The following KIF27 variants were observed in gnomAD, a reference collection of about 807,000 sequenced individuals.
The protein encoded by KIF27 is kinesin family member 27.
Under a neutral mutation model 141.8 loss-of-function variants are expected in KIF27, and 84 were observed. That is an observed-to-expected ratio of 0.59 (90% CI 0.50 to 0.71). The LOEUF (loss-of-function observed/expected upper bound fraction) is 0.71. KIF27 is among the 30% of genes least tolerant of loss of function. The pLI, the probability that KIF27 is intolerant of heterozygous loss-of-function variation, is 0.00. For missense variants in KIF27, 1,306 were observed against 1,628.4 expected (o/e 0.80, Z 3.41); for synonymous variants, 471 against 569.5 (o/e 0.83, Z 2.46).
chr9:83,897,826 T>C (rs1953428763), intron 5 of KIF27, among the ~76,000 whole-genome samples: 3 of 151,982 alleles, frequency 2.0e-5, no homozygotes, highest in African/African-American at 7.2e-5. Context: ...GATATCCAAA[T>C]AGCCAAAAAC....
At chr9:83,868,993 A>T (rs1950569284) in intron 12 of KIF27, among the ~76,000 whole-genome samples, 1 of 151,998 alleles carries the variant, frequency 6.6e-6, no homozygotes, top group African/African-American at 2.4e-5. Flanking sequence ...GATCCTAGGA[A>T]GTCTAGCAAG....
intron 5 of KIF27, among the ~76,000 whole-genome samples, chr9:83,893,210 C>T (rs970907767): frequency 6.6e-6 from 1 of 152,192 alleles, no homozygotes; most frequent in Non-Finnish European, 1.5e-5. Context: ...GTGCCCCAGC[C>T]TGGGTGACAG....
chr9:83,916,048 GT>G (rs369779677), intron 1 of KIF27, among the ~76,000 whole-genome samples: 2 of 151,982 alleles, frequency 1.3e-5, no homozygotes, highest in South Asian at 2.1e-4. Context: ...CTGTACACAC[GT>G]TTTTTTGTTT....
In KIF27 at chr9:83,910,324, C is replaced by A. The variant is rs1955017833; in HGVS notation, c.299-1672G>T. Among the ~76,000 whole-genome samples, 3 of 151,994 alleles carry A rather than the reference C, an allele frequency of 2.0e-5. No homozygotes were observed. In the South Asian group the frequency reaches 6.2e-4, roughly 32 times the overall value. ...GAGCTGTAAAAAGCAGGAAACTGAC[C>A]CTAGGTAAGACCAATCTATTTCACA... On this transcript the variant is annotated intron_variant, in intron 2 of 17. Coordinates refer to ENST00000297814, the MANE Select transcript of KIF27 (RefSeq NM_017576.4).
intron 16 of KIF27, among the ~76,000 whole-genome samples, chr9:83,848,069 T>TTA (rs1564283013): frequency 3.1e-4 from 2 of 6,504 alleles, no homozygotes; most frequent in Admixed American, 2.2e-3. Flanking sequence ...ATCATATATA[T>TTA]GATATATGAT....
chr9:83,856,961 A>G (rs983696327), intron 14 of KIF27, among the ~76,000 whole-genome samples: 2 of 151,676 alleles, frequency 1.3e-5, no homozygotes, highest in African/African-American at 4.8e-5. Flanking sequence ...TAAAAGTTTA[A>G]AAGATTAGAT....
intron 1 of KIF27, among the ~76,000 whole-genome samples, chr9:83,918,857 C>A (rs1416623045): frequency 6.6e-6 from 1 of 152,128 alleles, no homozygotes; most frequent in Non-Finnish European, 1.5e-5. Flanking sequence ...GGGAGGATCA[C>A]CTGAGGTCAG....
chr9:83,883,804 T>C lies in KIF27; in HGVS notation c.2445+9A>G, dbSNP rs773067330. On this transcript the variant is annotated intron_variant, in intron 10 of 17. Coordinates refer to ENST00000297814, the MANE Select transcript of KIF27 (RefSeq NM_017576.4). ...AAATAAGTTTTCTCAATTACATTTT[T>C]TAAATTACCTGAACTCTCAGCTTTG... 1.6e-5 allele frequency: 25 copies of C among 1,592,884 alleles called. No individual in the cohort carries two copies. The highest frequency in any genetic ancestry group is 3.3e-4 in the Middle Eastern group (2 of 6,022).
At chr9:83,841,528 A>G (rs1206845087) in intron 17 of KIF27, among the ~76,000 whole-genome samples, 1 of 152,254 alleles carries the variant, frequency 6.6e-6, no homozygotes, top group African/African-American at 2.4e-5. Flanking sequence ...TCAACTTTTC[A>G]TAAACCATAC....
At chr9:83,852,640 ATTTT>A (rs1197008662) in intron 15 of KIF27, among the ~76,000 whole-genome samples, 1 of 152,040 alleles carries the variant, frequency 6.6e-6, no homozygotes, top group East Asian at 1.9e-4. Context: ...ATTTTATTTA[ATTTT>A]TTTGAGACAG....
At chr9:83,882,281 G>C (rs1588149104) in intron 10 of KIF27, among the ~76,000 whole-genome samples, 1 of 152,050 alleles carries the variant, frequency 6.6e-6, no homozygotes, top group East Asian at 1.9e-4. Context: ...AGGATCATTT[G>C]AGCCTGGGAG....
At chr9:83,866,148 CCT>C (rs1950336549) in intron 13 of KIF27, among the ~76,000 whole-genome samples, 3 of 152,000 alleles carry the variant, frequency 2.0e-5, no homozygotes, top group Admixed American at 1.3e-4. Context: ...ATGACTATGC[CCT>C]GTTTTCATCT....
At chr9:83,865,483 G>A (rs1950281764) in intron 13 of KIF27, among the ~76,000 whole-genome samples, 1 of 152,102 alleles carries the variant, frequency 6.6e-6, no homozygotes, top group South Asian at 2.1e-4. Context: ...TTTTAGAAGA[G>A]ACAGGGTTTC....
intron 13 of KIF27, chr9:83,860,040 T>C (rs1949717662): frequency 6.6e-6 from 1 of 152,178 alleles, no homozygotes; most frequent in African/African-American, 2.4e-5. Flanking sequence ...GGTTGAGATG[T>C]GGTGTGTTTA....
intron 13 of KIF27, among the ~76,000 whole-genome samples, chr9:83,866,948 AC>A (rs373091907): frequency 0.04 from 4,720 of 118,066 alleles, 125 homozygotes; most frequent in Middle Eastern, 0.072. Context: ...TATTTTATTC[AC>A]CCCCCCCCCA....
In KIF27 at chr9:83,891,126, T is replaced by G. The variant is rs566144536; in HGVS notation, c.1809+169A>C. ...CAAATGTAACTGTGTATTCTCTTGT[T>G]TATTAGTTTTTTTATTAGAAAGAAG... On this transcript the variant is annotated intron_variant, in intron 6 of 17. Transcript: ENST00000297814. Among the ~76,000 whole-genome samples, 9 of 152,106 alleles carry G rather than the reference T, an allele frequency of 5.9e-5. No homozygotes were observed. In the South Asian group the frequency reaches 1.9e-3, roughly 32 times the overall value.
At chr9:83,908,086 A>T (rs1391236092) in intron 3 of KIF27, among the ~76,000 whole-genome samples, 2 of 152,092 alleles carry the variant, frequency 1.3e-5, no homozygotes. Context: ...ACATGGTGAA[A>T]TCCCGTCTCT....
In KIF27 at chr9:83,837,867, T is replaced by C. The variant is rs574469781; in HGVS notation, c.3722-382A>G. ...CAAGTGATGCCAGCACTGGATAATA[T>C]TGGCTCTGCCCCATATCTCGAGGGA... is the stretch of plus-strand genomic sequence containing the variant. On this transcript the variant is annotated intron_variant, in intron 17 of 17. Coordinates refer to ENST00000297814, the MANE Select transcript of KIF27 (RefSeq NM_017576.4). 155 of 174,852 alleles carry C rather than the reference T, an allele frequency of 8.9e-4. No homozygotes were observed. In the Middle Eastern group the frequency reaches 0.011, roughly 12 times the overall value. 10.8% of individuals were successfully genotyped at this position (174,852 alleles called of 1,614,324 possible).
intron 6 of KIF27, among the ~76,000 whole-genome samples, chr9:83,890,168 C>T (rs1952533142): frequency 6.6e-6 from 1 of 152,066 alleles, no homozygotes; most frequent in Non-Finnish European, 1.5e-5. Context: ...TGACAATAGG[C>T]CCCCGTCATG....
Sources: gnomAD v4.1 joint callset for allele counts (sites outside exome capture counted in the v4.1 genomes callset) on GRCh38, gnomAD v4.1.1 for gene constraint, MANE v1.5 for transcripts, NCBI Gene and HGNC (gene_info 2026-07-23, HGNC 2026-07-21) for gene names.